Variants in GPC3 observed in about 807,000 individuals in gnomAD.
GPC3 encodes glypican-3.
Under a neutral mutation model 34.4 loss-of-function variants are expected in GPC3, and 3 were observed. That is an observed-to-expected ratio of 0.09 (90% CI 0.04 to 0.23). GPC3 has a LOEUF of 0.23. GPC3 is among the 10% of genes least tolerant of loss of function. The probability of loss-of-function intolerance (pLI) is 1.00; values close to 1 mark genes in which losing one functional copy is unlikely to be tolerated. For synonymous variants in GPC3, 177 were observed against 174.0 expected (o/e 1.02, Z -0.13); for missense variants, 351 against 445.6 (o/e 0.79, Z 1.91).
intron 2 of GPC3, chrX:133,763,593 C>T (rs1368179070): frequency 1.5e-6 from 1 of 668,752 alleles, no homozygotes; most frequent in East Asian, 3.2e-5. Context: ...CTACTGAAGA[C>T]TGGAGTGCTC....
intron 2 of GPC3, among the ~76,000 whole-genome samples, chrX:133,839,495 G>C (rs1338105424): frequency 9.0e-6 from 1 of 111,298 alleles, no homozygotes; most frequent in East Asian, 2.8e-4. Context: ...CAATAAAGTT[G>C]AAGGGAAAAA....
intron 2 of GPC3, among the ~76,000 whole-genome samples, chrX:133,793,828 C>T (rs771658984): frequency 9.0e-6 from 1 of 111,496 alleles, no homozygotes; most frequent in African/African-American, 3.3e-5. Flanking sequence ...CAGGCTTGTC[C>T]CTGCAAGTTC....
intron 5 of GPC3, chrX:133,671,409 G>A (rs1259494481): frequency 3.7e-5 from 18 of 492,848 alleles, no homozygotes; most frequent in South Asian, 1.8e-4. Flanking sequence ...TGTTATCTGC[G>A]GCCATTGTGG....
intron 6 of GPC3, among the ~76,000 whole-genome samples, chrX:133,604,163 C>A (rs2070020575): frequency 9.0e-6 from 1 of 111,307 alleles, no homozygotes; most frequent in African/African-American, 3.3e-5. Flanking sequence ...AGTAACCTTA[C>A]CAAGTTACTG....
intron 1 of GPC3, among the ~76,000 whole-genome samples, chrX:133,978,232 C>T (rs772035373): frequency 8.9e-6 from 1 of 112,297 alleles, no homozygotes; most frequent in Non-Finnish European, 1.9e-5. Context: ...CATGCCCAGC[C>T]TGGATTATGT....
intron 2 of GPC3, among the ~76,000 whole-genome samples, chrX:133,782,259 T>C (rs1462686645): frequency 8.9e-6 from 1 of 111,996 alleles, no homozygotes; most frequent in East Asian, 2.8e-4. Context: ...GACTGAGACC[T>C]TCACCGTAAT....
At chrX:133,838,708 C>T (rs975361341) in intron 2 of GPC3, among the ~76,000 whole-genome samples, 1 of 112,212 alleles carries the variant, frequency 8.9e-6, no homozygotes, top group Non-Finnish European at 1.9e-5. Context: ...ACCCTTCTTG[C>T]TCCTGGCTTA....
At chrX:133,659,688 T>A (rs2070699471) in intron 6 of GPC3, among the ~76,000 whole-genome samples, 1 of 112,061 alleles carries the variant, frequency 8.9e-6, no homozygotes, top group South Asian at 3.8e-4. Context: ...GGCACCTGGC[T>A]GAGTACATAG....
chrX:133,823,065 G>A (rs901949123), intron 2 of GPC3, among the ~76,000 whole-genome samples: 12 of 93,231 alleles, frequency 1.3e-4, no homozygotes, highest in African/African-American at 4.7e-4. Flanking sequence ...GGAGGCAGAG[G>A]TTGCAGTAAG....
At chrX:133,734,992 A>G (rs948482605) in intron 3 of GPC3, among the ~76,000 whole-genome samples, 1 of 112,225 alleles carries the variant, frequency 8.9e-6, no homozygotes, top group Non-Finnish European at 1.9e-5. Flanking sequence ...AAATAAGTGA[A>G]AAGACATTAA....
intron 3 of GPC3, among the ~76,000 whole-genome samples, chrX:133,738,077 G>A (rs1013580820): frequency 9.0e-6 from 1 of 111,555 alleles, no homozygotes. Context: ...AATCCTCCCC[G>A]CTCAGGCTCC....
intron 6 of GPC3, among the ~76,000 whole-genome samples, chrX:133,600,522 G>A (rs916003405): frequency 1.8e-5 from 2 of 111,912 alleles, no homozygotes; most frequent in African/African-American, 6.5e-5. Context: ...ATGGAAGAAG[G>A]ATTATAGTAG....
chrX:133,651,137 A>C (rs753908690), intron 6 of GPC3, among the ~76,000 whole-genome samples: 66 of 111,580 alleles, frequency 5.9e-4, no homozygotes, highest in African/African-American at 2.0e-3. Context: ...ATCCCAAAAC[A>C]GTCCTTTTTA....
In GPC3 at chrX:133,934,900, G is replaced by A. The variant is rs1431385556; in HGVS notation, c.337+18150C>T. 1.4e-4 allele frequency among the ~76,000 whole-genome samples: 16 copies of A among 110,496 alleles called. No homozygotes were observed. The Admixed American group carries it at 1.5e-3, about 11-fold the overall frequency. ...ACCTAATACAGCCTCGCAACTAGAC[G>A]GGGCTGAAAAATCACTCCTGGAGAC... is the stretch of plus-strand genomic sequence containing the variant. On this transcript the variant is annotated intron_variant, in intron 2 of 7. Transcript: ENST00000370818.
chrX:133,616,603 A>G (rs2070166569), intron 6 of GPC3, among the ~76,000 whole-genome samples: 1 of 111,203 alleles, frequency 9.0e-6, no homozygotes, highest in Admixed American at 9.7e-5. Flanking sequence ...ACAATTCCAT[A>G]TTTTAAAACT....
At chrX:133,740,860 GT>G (rs1390175569) in intron 3 of GPC3, among the ~76,000 whole-genome samples, 1 of 108,960 alleles carries the variant, frequency 9.2e-6, no homozygotes, top group Non-Finnish European at 1.9e-5. Flanking sequence ...GAATGTGTGG[GT>G]TTTTTGTTTG....
chrX:133,914,199 G>C (rs1402030174), intron 2 of GPC3, among the ~76,000 whole-genome samples: 2 of 111,006 alleles, frequency 1.8e-5, no homozygotes, highest in Admixed American at 1.9e-4. Context: ...CAGGCTTCTG[G>C]GAGTCTCTAA....
At chrX:133,775,118 T>C (rs1233631905) in intron 2 of GPC3, among the ~76,000 whole-genome samples, 1 of 111,599 alleles carries the variant, frequency 9.0e-6, no homozygotes, top group African/African-American at 3.3e-5. Context: ...TTTTCTCTTT[T>C]TTTTTGAAAT....
chrX:133,649,679 G>A lies in GPC3; in HGVS notation c.1413+12051C>T, dbSNP rs750989544. Among the ~76,000 whole-genome samples, 48 of 111,725 alleles carry A rather than the reference G, an allele frequency of 4.3e-4. No individual in the cohort carries two copies. The Middle Eastern group carries it at 0.014, about 32-fold the overall frequency. On this transcript the variant is annotated intron_variant, in intron 6 of 7. Coordinates refer to ENST00000370818, the MANE Select transcript of GPC3 (RefSeq NM_004484.4). ...AGATCTTTCAGCTCTGACTGCCTTC[G>A]AGCATCCATATGCAGCTATAACAAA...
Sources: allele counts gnomAD v4.1 joint callset (sites outside exome capture counted in the v4.1 genomes callset), GRCh38; gene constraint gnomAD v4.1.1; transcripts MANE v1.5; gene names NCBI Gene and HGNC (gene_info 2026-07-23, HGNC 2026-07-21).